The following UBXN7 variants were observed in gnomAD, a reference collection of about 807,000 sequenced individuals.
UBXN7 encodes UBX domain-containing protein 7.
A neutral mutation model predicts 58.0 loss-of-function variants in UBXN7; 9 were observed. That is an observed-to-expected ratio of 0.16 (90% CI 0.09 to 0.27). The LOEUF (loss-of-function observed/expected upper bound fraction) is 0.27. UBXN7 is among the 10% of genes least tolerant of loss of function. The pLI, the probability that UBXN7 is intolerant of heterozygous loss-of-function variation, is 1.00. For synonymous variants in UBXN7, 208 were observed against 205.0 expected, an observed-to-expected ratio of 1.01 and a Z score of -0.12; for missense variants, 328 against 599.6, an observed-to-expected ratio of 0.55 and a Z score of 4.73.
chr3:196,376,742 T>C (rs541734405), intron 5 of UBXN7, among the ~76,000 whole-genome samples: 78 of 151,996 alleles, frequency 5.1e-4, no homozygotes, highest in South Asian at 8.3e-4. Context: ...GGGTTTTTTT[T>C]CCTCATGAAA....
intron 4 of UBXN7, among the ~76,000 whole-genome samples, chr3:196,392,702 C>G (rs1372308709): frequency 6.6e-6 from 1 of 151,998 alleles, no homozygotes; most frequent in Admixed American, 6.6e-5. Context: ...ACTTGGGAGG[C>G]TGAGGCAGGA....
intron 7 of UBXN7, 22 bp from the exon 8 acceptor site, chr3:196,368,177 C>A: frequency 6.3e-7 from 1 of 1,596,302 alleles, no homozygotes; most frequent in Non-Finnish European, 8.5e-7. Context: ...AAACCAAGAT[C>A]TATAAATAAA....
intron 5 of UBXN7, among the ~76,000 whole-genome samples, chr3:196,386,381 A>C: frequency 4.1e-5 from 2 of 48,288 alleles, no homozygotes; most frequent in African/African-American, 8.4e-5. Flanking sequence ...AATAAACACT[A>C]AAAAAAAAAA....
intron 10 of UBXN7, among the ~76,000 whole-genome samples, chr3:196,357,863 A>C (rs1486433801): frequency 6.6e-6 from 1 of 151,578 alleles, no homozygotes; most frequent in Non-Finnish European, 1.5e-5. Flanking sequence ...ATCTCAAAAA[A>C]AGTAAAAATA....
chr3:196,401,823 GAGAGA>G (rs56069211), intron 3 of UBXN7, among the ~76,000 whole-genome samples: 2,481 of 120,326 alleles, frequency 0.021, 34 homozygotes, highest in Middle Eastern at 0.076. Context: ...GAAAAGAGAA[GAGAGA>G]AGAGAAGAGA....
intron 10 of UBXN7, among the ~76,000 whole-genome samples, chr3:196,357,804 C>A (rs1360296448): frequency 6.6e-6 from 1 of 152,044 alleles, no homozygotes; most frequent in East Asian, 1.9e-4. Context: ...TTGCAGTGAG[C>A]CAAGATCATG....
At chr3:196,417,443 A>G (rs1297417173) in intron 1 of UBXN7, among the ~76,000 whole-genome samples, 1 of 152,204 alleles carries the variant, frequency 6.6e-6, no homozygotes, top group Non-Finnish European at 1.5e-5. Flanking sequence ...GGAGCACAGA[A>G]GATATGATTT....
At chr3:196,415,431 C>T (rs1437625247) in intron 1 of UBXN7, among the ~76,000 whole-genome samples, 2 of 147,604 alleles carry the variant, frequency 1.4e-5, no homozygotes, top group East Asian at 2.1e-4. Flanking sequence ...GGATTACAGG[C>T]GTGAGCCACC....
chr3:196,387,601 AAAC>A (rs1729449306), intron 5 of UBXN7, among the ~76,000 whole-genome samples: 1 of 151,944 alleles, frequency 6.6e-6, no homozygotes, highest in South Asian at 2.1e-4. Context: ...AGAAAAAAAC[AAAC>A]AACCCCATCG....
At chr3:196,431,658 C>T (rs1386214657) in intron 1 of UBXN7, 2 of 243,638 alleles carry the variant, frequency 8.2e-6, no homozygotes, top group African/African-American at 2.4e-5. Flanking sequence ...TTCCAGGCCT[C>T]CCCTATTCAG....
rs1411650707 is a variant in UBXN7 at position 196,403,003 on chromosome 3, G to A, written c.238C>T (p.Pro80Ser). 6.3e-7 allele frequency: 1 copy of A among 1,593,732 alleles called. No homozygotes were observed. Among genetic ancestry groups the A allele is most frequent in the Non-Finnish European group, 8.5e-7 (1 of 1,175,584 alleles). Reference protein sequence around the residue: ...RPHTEEEVRAPIPQKQEILVE... With the variant: ...RPHTEEEVRASIPQKQEILVE... ...AGTATTTCCTGCTTTTGAGGAATTG[G>A]GGCACGAACTTCTTCTCTATTAAAA... Residue 80 changes from proline (P) to serine (S), a missense_variant, in exon 3 of 11, where the codon CCA (proline) becomes TCA (serine). Pro to Ser is a moderately conservative substitution (Grantham distance 74). Transcript: ENST00000296328.
chr3:196,390,994 C>A (rs927791091), intron 5 of UBXN7, among the ~76,000 whole-genome samples: 1 of 152,104 alleles, frequency 6.6e-6, no homozygotes, highest in African/African-American at 2.4e-5. Context: ...TAGCATACAA[C>A]CAAGTAAACA....
intron 1 of UBXN7, among the ~76,000 whole-genome samples, chr3:196,416,831 T>G (rs1730499742): frequency 6.6e-6 from 1 of 152,200 alleles, no homozygotes; most frequent in African/African-American, 2.4e-5. Flanking sequence ...TAAAAGCTAG[T>G]AACAATACAT....
At chr3:196,370,674 AAATT>A (rs1728798614) in intron 6 of UBXN7, among the ~76,000 whole-genome samples, 1 of 151,788 alleles carries the variant, frequency 6.6e-6, no homozygotes, top group Admixed American at 6.6e-5. Context: ...GTAGGGGAAA[AAATT>A]AAGCTCCTTC....
At chr3:196,359,034 G>A (rs1023663252) in intron 10 of UBXN7, among the ~76,000 whole-genome samples, 2 of 152,012 alleles carry the variant, frequency 1.3e-5, no homozygotes, top group Non-Finnish European at 2.9e-5. Flanking sequence ...TCTCTGCTTC[G>A]AGAAAATGCT....
chr3:196,361,899 C>T lies in UBXN7; in HGVS notation c.1253G>A (p.Arg418Gln). Residue 418 changes from arginine to glutamine, a missense_variant, in exon 10 of 11, where the codon CGG becomes CAG. Arg to Gln is a conservative substitution (Grantham distance 43, BLOSUM62 1). Coordinates refer to ENST00000296328, the MANE Select transcript of UBXN7 (RefSeq NM_015562.2). Reference protein sequence around the residue: ...VNGPKAQLMLRYPDGKREQIT... With the variant: ...VNGPKAQLMLQYPDGKREQIT... ...CTGTTCCCTTTTTCCATCTGGATAC[C>T]GCAACATCAGCTGTGCTTTTGGTCC... 1 of 1,611,676 alleles carries T rather than the reference C, an allele frequency of 6.2e-7. No homozygotes were observed. The highest frequency in any genetic ancestry group is 8.5e-7 in the Non-Finnish European group (1 of 1,179,586).
At position 196,351,065 on chromosome 3, in the gene UBXN7, G is replaced by A. The variant is rs1041221871; in HGVS notation, c.*5620C>T. The A allele has an allele frequency of 1.9e-4, 29 of 152,182 alleles. No individual in the cohort carries two copies. The highest frequency in any genetic ancestry group is 6.5e-4 in the African/African-American group (27 of 41,438). The allele number at this position is 152,182 out of a possible 1,614,324, so 9.4% of individuals were successfully genotyped here. The stretch of plus-strand genomic sequence containing the variant: ...CCTGCACCCCATGATTTACTACTGC[G>A]TAGTTACATGATGGTCAAAAAAGGC... On this transcript the variant is annotated 3_prime_UTR_variant, in exon 11 of 11. Transcript: ENST00000296328.
At chr3:196,401,815 A>G (rs1239938750) in intron 3 of UBXN7, among the ~76,000 whole-genome samples, 52 of 53,942 alleles carry the variant, frequency 9.6e-4, no homozygotes, top group African/African-American at 2.2e-3. Context: ...AAAGAAAAGA[A>G]AAGAGAAGAG....
chr3:196,398,552 CTTCAAGTACTGGGA>C (rs1447255472), intron 3 of UBXN7, among the ~76,000 whole-genome samples: 1 of 152,154 alleles, frequency 6.6e-6, no homozygotes. Flanking sequence ...ATCAGAAAGC[CTTCAAGTACTGGGA>C]AAGTATCAAG....
Sources: gnomAD v4.1 joint callset for allele counts (sites outside exome capture counted in the v4.1 genomes callset) on GRCh38, gnomAD v4.1.1 for gene constraint, MANE v1.5 for transcripts, NCBI Gene and HGNC (gene_info 2026-07-23, HGNC 2026-07-21) for gene names.